Variants in DISP1 observed in about 807,000 individuals in gnomAD.
The protein encoded by DISP1 is protein dispatched homolog 1.
DISP1 carries 30 observed loss-of-function variants against 37.3 expected under a neutral mutation model. The ratio of observed to expected loss-of-function variants is 0.80; its 90% CI spans 0.60 to 1.09. The LOEUF (loss-of-function observed/expected upper bound fraction) is 1.09. Ranked by LOEUF, DISP1 falls within the 50% of genes least tolerant of loss-of-function variation. The probability of loss-of-function intolerance (pLI) is 0.00; values close to 1 mark genes in which losing one functional copy is unlikely to be tolerated. For synonymous variants in DISP1, 634 were observed against 690.2 expected (o/e 0.92, Z 1.28); for missense variants, 1,598 against 1,879.5 (o/e 0.85, Z 2.77).
intron 4 of DISP1, among the ~76,000 whole-genome samples, chr1:222,987,521 A>T (rs1294267507): frequency 6.6e-6 from 1 of 152,244 alleles, no homozygotes; most frequent in African/African-American, 2.4e-5. Flanking sequence ...AAGTTTCCAT[A>T]TGTAGTCAGT....
intron 2 of DISP1, among the ~76,000 whole-genome samples, chr1:222,931,876 T>C (rs890819982): frequency 2.6e-5 from 4 of 151,948 alleles, no homozygotes; most frequent in African/African-American, 9.7e-5. Context: ...AAAGGCTATA[T>C]GGCAAGGTGT....
chr1:222,886,622 CT>C (rs1670615212), intron 1 of DISP1, among the ~76,000 whole-genome samples: 1 of 152,172 alleles, frequency 6.6e-6, no homozygotes, highest in Admixed American at 6.5e-5. Context: ...TAGATTAACC[CT>C]GTCAATTCTG....
chr1:223,000,514 A>G (rs1184374367), intron 8 of DISP1, among the ~76,000 whole-genome samples: 4 of 152,226 alleles, frequency 2.6e-5, no homozygotes, highest in African/African-American at 9.6e-5. Flanking sequence ...AGTACATTTG[A>G]ACAAAAACCT....
At chr1:222,862,412 T>C (rs1431115895) in intron 1 of DISP1, among the ~76,000 whole-genome samples, 1 of 152,172 alleles carries the variant, frequency 6.6e-6, no homozygotes, top group Non-Finnish European at 1.5e-5. Context: ...TTCTCTTTTA[T>C]AATAAAACAC....
chr1:222,919,954 G>A (rs955323424), intron 1 of DISP1, among the ~76,000 whole-genome samples: 2 of 152,128 alleles, frequency 1.3e-5, no homozygotes, highest in Admixed American at 6.5e-5. Flanking sequence ...TAATGTTGCT[G>A]TAATCTAAGT....
At chr1:222,958,874 G>C (rs921730142) in intron 3 of DISP1, among the ~76,000 whole-genome samples, 3 of 152,180 alleles carry the variant, frequency 2.0e-5, no homozygotes, top group African/African-American at 7.2e-5. Flanking sequence ...GCATGAACAT[G>C]TAACCAGCTA....
intron 1 of DISP1, among the ~76,000 whole-genome samples, chr1:222,918,944 A>G (rs1228067148): frequency 6.6e-6 from 1 of 152,226 alleles, no homozygotes; most frequent in Non-Finnish European, 1.5e-5. Context: ...TAATGTGGGT[A>G]TGAGGGTATG....
chr1:222,863,919 A>G (rs1669024647), intron 1 of DISP1, among the ~76,000 whole-genome samples: 1 of 152,128 alleles, frequency 6.6e-6, no homozygotes, highest in East Asian at 1.9e-4. Flanking sequence ...TTCCTTGTCC[A>G]AGCCCTGGGG....
chr1:222,872,048 T>C (rs867927159), intron 1 of DISP1, among the ~76,000 whole-genome samples: 1 of 152,274 alleles, frequency 6.6e-6, no homozygotes, highest in East Asian at 1.9e-4. Flanking sequence ...GAGATAATCA[T>C]GTGGTTTTTG....
intron 1 of DISP1, among the ~76,000 whole-genome samples, chr1:222,819,538 C>CTTTTT (rs762729584): frequency 2.5e-5 from 3 of 118,292 alleles, no homozygotes; most frequent in African/African-American, 9.4e-5. Flanking sequence ...ACACACATAT[C>CTTTTT]TTTTTTTTTT....
At chr1:222,837,142 G>C (rs1442656922) in intron 1 of DISP1, 1 of 398,018 alleles carries the variant, frequency 2.5e-6, no homozygotes, top group African/African-American at 2.1e-5. Context: ...CAACTTTTTG[G>C]GTCATCTTCT....
chr1:222,996,781 C>G (rs1478264666), intron 8 of DISP1, among the ~76,000 whole-genome samples: 1 of 152,140 alleles, frequency 6.6e-6, no homozygotes, highest in Non-Finnish European at 1.5e-5. Flanking sequence ...CTGCCTTTAC[C>G]CACCCTGCTT....
intron 1 of DISP1, among the ~76,000 whole-genome samples, chr1:222,894,832 G>A (rs1671157403): frequency 6.6e-6 from 1 of 152,200 alleles, no homozygotes; most frequent in Non-Finnish European, 1.5e-5. Context: ...GACGGGCTGC[G>A]GGTGCCATCA....
chr1:222,849,910 A>G (rs552191736), intron 1 of DISP1, among the ~76,000 whole-genome samples: 1 of 152,144 alleles, frequency 6.6e-6, no homozygotes, highest in East Asian at 1.9e-4. Flanking sequence ...AAGGAACACA[A>G]ACAGGAGAGG....
At chr1:222,936,141 G>A (rs1673709727) in intron 2 of DISP1, among the ~76,000 whole-genome samples, 1 of 152,150 alleles carries the variant, frequency 6.6e-6, no homozygotes, top group Non-Finnish European at 1.5e-5. Context: ...GTTGTCTACA[G>A]TATTTAGTAC....
chr1:222,823,389 A>G (rs1663449879), intron 1 of DISP1, among the ~76,000 whole-genome samples: 5 of 152,240 alleles, frequency 3.3e-5, no homozygotes, highest in Admixed American at 3.3e-4. Context: ...TTGCAGCAAC[A>G]TAGATGGAAC....
At chr1:222,883,477 C>T (rs1009983198) in intron 1 of DISP1, among the ~76,000 whole-genome samples, 1 of 152,140 alleles carries the variant, frequency 6.6e-6, no homozygotes, top group Non-Finnish European at 1.5e-5. Flanking sequence ...AATTGTTGGG[C>T]GTGGTGGCAC....
chr1:222,848,581 C>G (rs1478281952), intron 1 of DISP1, among the ~76,000 whole-genome samples: 1 of 152,018 alleles, frequency 6.6e-6, no homozygotes, highest in Non-Finnish European at 1.5e-5. Context: ...GCTATTTAGA[C>G]TTACAGATGT....
chr1:222,961,097 A>C (rs1676027028), intron 3 of DISP1, among the ~76,000 whole-genome samples: 1 of 152,198 alleles, frequency 6.6e-6, no homozygotes, highest in Non-Finnish European at 1.5e-5. Flanking sequence ...AAAAAGAGGG[A>C]TTCCTCCCTA....
Sources: gnomAD v4.1 joint callset for allele counts (sites outside exome capture counted in the v4.1 genomes callset) on GRCh38, gnomAD v4.1.1 for gene constraint, MANE v1.5 for transcripts, NCBI Gene and HGNC (gene_info 2026-07-23, HGNC 2026-07-21) for gene names.